The following AFF3 variants were observed in gnomAD, a reference collection of about 807,000 sequenced individuals.
The protein encoded by AFF3 is ALF transcription elongation factor 3, also known as AF4/FMR2 family member 3.
Under a neutral mutation model 129.7 loss-of-function variants are expected in AFF3, and 32 were observed. The ratio of observed to expected loss-of-function variants is 0.25; its 90% CI spans 0.19 to 0.33. The LOEUF (loss-of-function observed/expected upper bound fraction) is 0.33. Ranked by LOEUF, AFF3 falls within the 10% of genes least tolerant of loss-of-function variation. The pLI is 1.00. For missense variants in AFF3, 1,373 were observed against 1,592.0 expected (o/e 0.86, Z 2.34); for synonymous variants, 644 against 635.4 (o/e 1.01, Z -0.20).
rs1035854510 is a variant in AFF3 at position 99,651,446 on chromosome 2, G to GT, written c.1144-1781dup. ...GCATGATACACAGGTCATGGTTACT[G>GT]TTTTTTTTTTTCTGAGACAGAGTAT... On this transcript the variant is annotated intron_variant, in intron 12 of 24. Coordinates refer to ENST00000672756, the MANE Select transcript of AFF3 (RefSeq NM_001386135.1). 8.0e-3 allele frequency among the ~76,000 whole-genome samples: 1,164 copies of GT among 146,292 alleles called. 9 individuals carry two copies. The highest frequency in any genetic ancestry group is 0.024 in the African/African-American group (955 of 40,102).
At chr2:99,669,810 A>G (rs6734773) in intron 12 of AFF3, among the ~76,000 whole-genome samples, 86,822 of 151,878 alleles carry the variant, frequency 0.57, 25,406 homozygotes, top group African/African-American at 0.7. Context: ...TCTCTAGTGA[A>G]AATACAAAAA....
chr2:100,022,840 G>A (rs542921786), intron 4 of AFF3, among the ~76,000 whole-genome samples: 41 of 148,864 alleles, frequency 2.8e-4, no homozygotes, highest in African/African-American at 8.4e-4. Flanking sequence ...CCATGAAGAC[G>A]GCTCTTCTTC....
At chr2:99,884,404 T>C (rs1692953399) in intron 7 of AFF3, among the ~76,000 whole-genome samples, 1 of 152,192 alleles carries the variant, frequency 6.6e-6, no homozygotes, top group Non-Finnish European at 1.5e-5. Context: ...TATGTATGTA[T>C]GTATTTATTT....
intron 13 of AFF3, among the ~76,000 whole-genome samples, chr2:99,629,888 C>A (rs1001686720): frequency 6.6e-6 from 1 of 152,130 alleles, no homozygotes; most frequent in Non-Finnish European, 1.5e-5. Context: ...CTAATCACCC[C>A]CACCAAAGGC....
At chr2:99,878,585 C>T (rs745931312) in intron 7 of AFF3, among the ~76,000 whole-genome samples, 4 of 152,186 alleles carry the variant, frequency 2.6e-5, no homozygotes. Context: ...TGTATTTCTT[C>T]CAAGTCTCAT....
chr2:100,056,123 T>C (rs1686765056), intron 4 of AFF3, among the ~76,000 whole-genome samples: 1 of 147,026 alleles, frequency 6.8e-6, no homozygotes, highest in African/African-American at 2.6e-5. Context: ...TGGCAGCAAA[T>C]ATAAACTCAT....
At chr2:99,553,678 C>G (rs931681959) in intron 24 of AFF3, among the ~76,000 whole-genome samples, 28 of 152,022 alleles carry the variant, frequency 1.8e-4, no homozygotes, top group South Asian at 1.0e-3. Context: ...CTTTGGGAGG[C>G]TGAGGCAGGC....
At chr2:99,839,053 C>T (rs1689111078) in intron 7 of AFF3, among the ~76,000 whole-genome samples, 1 of 152,180 alleles carries the variant, frequency 6.6e-6, no homozygotes, top group African/African-American at 2.4e-5. Context: ...ACCTGAGGCC[C>T]AGAAAGTTTA....
intron 2 of AFF3, among the ~76,000 whole-genome samples, chr2:100,115,593 T>G (rs917316274): frequency 6.6e-6 from 1 of 152,166 alleles, no homozygotes; most frequent in Admixed American, 6.5e-5. Context: ...ATCCTGCTAT[T>G]GTTGGTATGG....
Position 99,716,776 on chromosome 2 carries a change from G to A in AFF3, c.1091+10301C>T, listed in dbSNP as rs533648336. ...CTTCCCTGTAATCGCAGCTACTTTGGGGGGGCTGAGGCAGGAGAATCGTTT... is the reference window on the plus strand; with the variant it reads ...CTTCCCTGTAATCGCAGCTACTTTGAGGGGGCTGAGGCAGGAGAATCGTTT... On this transcript the variant is annotated intron_variant, in intron 11 of 24. Transcript: ENST00000672756. Among the ~76,000 whole-genome samples the A allele has an allele frequency of 2.4e-4, 36 of 151,952 alleles. 1 individual carries two copies. The highest frequency in any genetic ancestry group is 1.7e-3 in the South Asian group (8 of 4,804).
intron 10 of AFF3, among the ~76,000 whole-genome samples, chr2:99,728,315 A>T (rs1353683216): frequency 6.6e-6 from 1 of 152,150 alleles, no homozygotes; most frequent in Non-Finnish European, 1.5e-5. Context: ...GAGTTGCAAG[A>T]AATAGGACTG....
At chr2:99,781,056 C>T (rs1404784683) in intron 8 of AFF3, among the ~76,000 whole-genome samples, 1 of 152,188 alleles carries the variant, frequency 6.6e-6, no homozygotes, top group Non-Finnish European at 1.5e-5. Context: ...CCCTGGTTCC[C>T]TCCATGACTC....
chr2:99,658,391 A>G (rs796652700), intron 12 of AFF3, among the ~76,000 whole-genome samples: 32 of 152,118 alleles, frequency 2.1e-4, no homozygotes, highest in African/African-American at 7.0e-4. Context: ...GTGTGAGGTT[A>G]TTAGTGTTCA....
intron 7 of AFF3, among the ~76,000 whole-genome samples, chr2:99,885,995 C>T (rs1693082695): frequency 6.6e-6 from 1 of 152,218 alleles, no homozygotes; most frequent in Non-Finnish European, 1.5e-5. Context: ...GAACAAGGAA[C>T]ACGCAGACAG....
At chr2:99,673,465 G>C (rs1687345405) in intron 11 of AFF3, among the ~76,000 whole-genome samples, 1 of 152,184 alleles carries the variant, frequency 6.6e-6, no homozygotes, top group African/African-American at 2.4e-5. Flanking sequence ...TGATAACACT[G>C]TATTCTTTTC....
intron 10 of AFF3, among the ~76,000 whole-genome samples, chr2:99,732,421 C>T (rs1166971390): frequency 1.4e-5 from 2 of 148,138 alleles, no homozygotes; most frequent in Non-Finnish European, 3.0e-5. Flanking sequence ...TTCTTTTTAA[C>T]CGCCTATGTA....
At chr2:100,073,251 C>G (rs908951401) in intron 4 of AFF3, among the ~76,000 whole-genome samples, 1 of 152,192 alleles carries the variant, frequency 6.6e-6, no homozygotes, top group African/African-American at 2.4e-5. Flanking sequence ...GCACCACAAC[C>G]CTGTGTGACT....
At chr2:99,569,306 G>T (rs1676267257) in intron 18 of AFF3, among the ~76,000 whole-genome samples, 1 of 151,968 alleles carries the variant, frequency 6.6e-6, no homozygotes, top group Non-Finnish European at 1.5e-5. Flanking sequence ...TAATTGTATG[G>T]CTATATATGG....
At chr2:99,837,805 G>A (rs1689005998) in intron 7 of AFF3, among the ~76,000 whole-genome samples, 1 of 152,050 alleles carries the variant, frequency 6.6e-6, no homozygotes, top group Non-Finnish European at 1.5e-5. Context: ...GGGCTCCTAG[G>A]GGTACAGAAC....
Sources: allele counts gnomAD v4.1 joint callset (sites outside exome capture counted in the v4.1 genomes callset), GRCh38; gene constraint gnomAD v4.1.1; transcripts MANE v1.5; gene names NCBI Gene and HGNC (gene_info 2026-07-23, HGNC 2026-07-21).